Variants in NUP153 observed in about 807,000 individuals in gnomAD.
NUP153 encodes the protein nucleoporin 153, also known as nuclear pore complex protein Nup153.
A neutral mutation model predicts 134.6 loss-of-function variants in NUP153; 27 were observed. The ratio of observed to expected loss-of-function variants is 0.20; its 90% CI spans 0.15 to 0.28. The LOEUF is 0.28. Ranked by LOEUF, NUP153 falls within the 10% of genes least tolerant of loss-of-function variation. NUP153 has a pLI of 1.00. For synonymous variants in NUP153, 640 were observed against 623.5 expected (o/e 1.03, Z -0.40); for missense variants, 1,821 against 1,731.3 (o/e 1.05, Z -0.92).
At chr6:17,643,704 T>A (rs905433905) in intron 14 of NUP153, among the ~76,000 whole-genome samples, 6 of 152,188 alleles carry the variant, frequency 3.9e-5, no homozygotes, top group Non-Finnish European at 8.8e-5. Flanking sequence ...AATTAGCTTT[T>A]TTAAATGATA....
intron 20 of NUP153, chr6:17,619,554 A>G (rs1483559699): frequency 6.6e-6 from 1 of 152,202 alleles, no homozygotes; most frequent in Non-Finnish European, 1.5e-5. Flanking sequence ...AGCAGCACAT[A>G]CCCAAAACTT....
At position 17,647,900 on chromosome 6, in the gene NUP153, T is replaced by C; in HGVS notation, c.1539A>G (p.Gln513=). 1.9e-6 allele frequency: 3 copies of C among 1,599,222 alleles called. No homozygotes were observed. Among genetic ancestry groups the C allele is most frequent in the East Asian group, 2.2e-5 (1 of 44,800 alleles). The change falls in exon 13 of 22, where the codon CAA becomes CAG. Residue 513 remains glutamine (Q), a synonymous_variant. Coordinates refer to ENST00000262077, the MANE Select transcript of NUP153 (RefSeq NM_005124.4). ...NSSQALTNKV[Q]MTSPSSTGSP... Reference sequence around the variant, plus strand: ...TGCCAGTGCTGCTCGGAGAGGTCATTTGTACCTGGTTTTCCAAATTATTAA... The same window carrying C: ...TGCCAGTGCTGCTCGGAGAGGTCATCTGTACCTGGTTTTCCAAATTATTAA...
In NUP153 at chr6:17,630,252, T is replaced by A. The variant is rs145861696; in HGVS notation, c.2660-713A>T. Among the ~76,000 whole-genome samples, 415 of 152,274 alleles carry A rather than the reference T, an allele frequency of 2.7e-3. 7 individuals are homozygous for A. Among genetic ancestry groups the A allele is most frequent in the Admixed American group, 0.024 (367 of 15,294 alleles). On this transcript the variant is annotated intron_variant, in intron 17 of 21. Transcript: ENST00000262077. ...AATGGAGAGAAGAGATTGAACCTTG[T>A]CACAATTTCTTGATTTTTAAATCTT...
At chr6:17,658,400 GAAAAC>G (rs550067793) in intron 11 of NUP153, among the ~76,000 whole-genome samples, 67 of 152,124 alleles carry the variant, frequency 4.4e-4, no homozygotes, top group Admixed American at 2.6e-3. Flanking sequence ...TCTCAAAACA[GAAAAC>G]AAAACAAAAC....
rs776659134 is a variant in NUP153 at position 17,646,153 on chromosome 6, A to C, written c.1634T>G (p.Ile545Ser). The change falls in exon 14 of 22, where the codon ATT becomes AGT. Residue 545 changes from isoleucine to serine, a missense_variant and splice_region_variant. By Grantham distance (142) the Ile-to-Ser change is moderately radical. Transcript: ENST00000262077. Reference sequence around the variant, plus strand: ...AACAGGCACACTAAATGTAAATCCAATCTGTAAAGAGAAAGAATATCCTTA... The same window carrying C: ...AACAGGCACACTAAATGTAAATCCACTCTGTAAAGAGAAAGAATATCCTTA... ...TEANVLPPSS[I>S]GFTFSVPVAK... 2.6e-6 allele frequency: 4 copies of C among 1,538,006 alleles called. No individual in the cohort carries two copies. In the South Asian group the frequency reaches 4.5e-5, roughly 17 times the overall value.
intron 16 of NUP153, among the ~76,000 whole-genome samples, chr6:17,635,058 C>T (rs913940685): frequency 6.6e-6 from 1 of 150,744 alleles, no homozygotes; most frequent in Non-Finnish European, 1.5e-5. Flanking sequence ...TCATTCATAG[C>T]CATCCTAAGC....
At chr6:17,678,970 TTAACAAA>T (rs898089020) in intron 2 of NUP153, among the ~76,000 whole-genome samples, 4 of 149,654 alleles carry the variant, frequency 2.7e-5, no homozygotes, top group African/African-American at 9.9e-5. Flanking sequence ...AAAATAAGTC[TTAACAAA>T]TATTTTACAG....
chr6:17,679,431 G>A (rs1768441019), intron 2 of NUP153, among the ~76,000 whole-genome samples: 1 of 152,182 alleles, frequency 6.6e-6, no homozygotes, highest in Non-Finnish European at 1.5e-5. Flanking sequence ...TTGTTGGGAT[G>A]TCAATACTAT....
At chr6:17,655,682 G>A (rs188769274) in intron 11 of NUP153, among the ~76,000 whole-genome samples, 339 of 152,024 alleles carry the variant, frequency 2.2e-3, no homozygotes, top group African/African-American at 7.6e-3. Context: ...TCGAGCTCCT[G>A]ACCTCAGGTG....
chr6:17,630,726 CAA>C (rs1491268489), intron 17 of NUP153, among the ~76,000 whole-genome samples: 1 of 93,708 alleles, frequency 1.1e-5, no homozygotes, highest in African/African-American at 4.4e-5. Context: ...GGAGGGGAGA[CAA>C]GAGGGGAGAG....
intron 12 of NUP153, among the ~76,000 whole-genome samples, chr6:17,648,122 T>C (rs1309615152): frequency 3.3e-5 from 5 of 152,258 alleles, no homozygotes; most frequent in Admixed American, 1.3e-4. Flanking sequence ...TGGATATTTG[T>C]ATAAAAAAGT....
rs372121201 is a variant in NUP153 at position 17,616,088 on chromosome 6, A to G, written c.*9T>C. The G allele has an allele frequency of 1.9e-6, 3 of 1,597,624 alleles. No homozygotes were observed. Among genetic ancestry groups the G allele is most frequent in the Non-Finnish European group, 2.6e-6 (3 of 1,165,026 alleles). ...GTTGTTAAAATTGAGTACAACACCA[A>G]TGTGACCTTTATTTCCTGCGTCTAA... is the stretch of plus-strand genomic sequence containing the variant. On this transcript the variant is annotated 3_prime_UTR_variant, in exon 22 of 22. Transcript: ENST00000262077.
chr6:17,643,229 C>T (rs4716168), intron 14 of NUP153, among the ~76,000 whole-genome samples: 117,524 of 152,224 alleles, frequency 0.77, 45,559 homozygotes, highest in East Asian at 0.89. Context: ...TCCCAGCACT[C>T]TGAGACGCCT....
rs779607022 is a variant in NUP153, at chr6:17,628,964, T to G, written c.3235A>C (p.Lys1079Gln). 6.2e-7 allele frequency: 1 copy of G among 1,614,144 alleles called. No homozygotes were observed. The highest frequency in any genetic ancestry group is 1.1e-5 in the South Asian group (1 of 91,080). The change falls in exon 18 of 22, where the codon AAA (lysine) becomes CAA (glutamine). Residue 1079 changes from lysine (K) to glutamine (Q), a missense_variant. Lys to Gln is a moderately conservative substitution (Grantham distance 53). Transcript: ENST00000262077. This position sits in a 1 kb window ranked among gnomAD's most constrained non-coding sequence, Gnocchi z 5.4. ...ACGTTGCCAAAAGAGAATCCTCCTT[T>G]GGTGGCAGGCATTTCTTCTTTTTTA... Reference protein sequence around the residue: ...EAKKEEMPATKGGFSFGNVEP... With the variant: ...EAKKEEMPATQGGFSFGNVEP...
At chr6:17,691,703 G>A (rs779470024) in intron 1 of NUP153, among the ~76,000 whole-genome samples, 1 of 152,102 alleles carries the variant, frequency 6.6e-6, no homozygotes, top group African/African-American at 2.4e-5. Context: ...AGGCAGACGG[G>A]CCATTGCACT....
chr6:17,661,141 C>T (rs1479434960), intron 11 of NUP153, among the ~76,000 whole-genome samples: 1 of 151,954 alleles, frequency 6.6e-6, no homozygotes, highest in African/African-American at 2.4e-5. Context: ...TGGTGAAACC[C>T]CATCTCTACT....
At chr6:17,695,174 T>C (rs1769558337) in intron 1 of NUP153, among the ~76,000 whole-genome samples, 1 of 152,222 alleles carries the variant, frequency 6.6e-6, no homozygotes, top group South Asian at 2.1e-4. Flanking sequence ...TGCATACCCA[T>C]GTGTGACAAT....
At chr6:17,697,752 A>G (rs1402868622) in intron 1 of NUP153, among the ~76,000 whole-genome samples, 2 of 150,152 alleles carry the variant, frequency 1.3e-5, no homozygotes, top group African/African-American at 2.5e-5. Flanking sequence ...CTAACTCAGA[A>G]ACAGCTGGGG....
chr6:17,627,999 A>C (rs1765028670), intron 18 of NUP153, among the ~76,000 whole-genome samples: 1 of 152,184 alleles, frequency 6.6e-6, no homozygotes, highest in Non-Finnish European at 1.5e-5. Context: ...GAACTTGTGG[A>C]TCTAACTTGG....
Sources: gnomAD v4.1 joint callset for allele counts (sites outside exome capture counted in the v4.1 genomes callset) on GRCh38, gnomAD v4.1.1 for gene constraint, Gnocchi (gnomAD v3.1) non-coding constraint, MANE v1.5 for transcripts, NCBI Gene and HGNC (gene_info 2026-07-23, HGNC 2026-07-21) for gene names.